CTTN: variants seen among roughly 807,000 people sequenced by gnomAD.
CTTN encodes cortactin, also known as src substrate cortactin.
A neutral mutation model predicts 84.0 loss-of-function variants in CTTN; 28 were observed. The observed-to-expected ratio is 0.33, with a 90% CI of 0.25 to 0.46. The LOEUF (loss-of-function observed/expected upper bound fraction) is 0.46, where lower values mean the gene tolerates loss of function less well. Ranked by LOEUF, CTTN falls within the 20% of genes least tolerant of loss-of-function variation. CTTN has a pLI of 1.00. For synonymous variants in CTTN, 301 were observed against 288.8 expected (o/e 1.04, Z -0.43); for missense variants, 641 against 723.8 (o/e 0.89, Z 1.31).
At chr11:70,425,913 A>G (rs1254465124) in intron 13 of CTTN, among the ~76,000 whole-genome samples, 2 of 152,196 alleles carry the variant, frequency 1.3e-5, no homozygotes, top group African/African-American at 2.4e-5. Flanking sequence ...CGGAGAGTCA[A>G]GTAGTTGGGG....
chr11:70,435,924 C>A lies in CTTN; in HGVS notation c.*762C>A. 2 of 1,459,546 alleles carry A rather than the reference C, an allele frequency of 1.4e-6. No homozygotes were observed. Among genetic ancestry groups the A allele is most frequent in the Non-Finnish European group, 1.8e-6 (2 of 1,115,818 alleles). 90.4% of individuals were successfully genotyped at this position (1,459,546 alleles called of 1,614,324 possible). A position where few individuals can be genotyped will look rare whatever the true frequency, so the allele number is the denominator to read the frequency against. On this transcript the variant is annotated 3_prime_UTR_variant, in exon 18 of 18. Transcript: ENST00000301843. Reference sequence around the variant, plus strand: ...TGCCCCGCGGGTCTCTGGATTGGGACGCACAGTGCAGTTGAGGTCTGCGTC... The same window carrying A: ...TGCCCCGCGGGTCTCTGGATTGGGAAGCACAGTGCAGTTGAGGTCTGCGTC...
At chr11:70,427,704 C>T (rs945329324) in intron 13 of CTTN, among the ~76,000 whole-genome samples, 1 of 152,204 alleles carries the variant, frequency 6.6e-6, no homozygotes, top group Non-Finnish European at 1.5e-5. Flanking sequence ...GTGTGTTGGT[C>T]ATTTGGAAAA....
rs749083287 is a variant in CTTN, at chr11:70,419,828, C to G, written c.651C>G (p.Gly217=). Residue 217 remains glycine (G), a synonymous_variant, in exon 9 of 18, where the codon GGC becomes GGG. Coordinates refer to ENST00000301843, the MANE Select transcript of CTTN (RefSeq NM_005231.4). ...DKSAVGFEYQ[G]KTEKHESQKD... The stretch of plus-strand genomic sequence containing the variant: ...GCGCCGTTGGCTTTGAGTATCAAGG[C>G]AAAACGGAGAAGCACGAGTCCCAGA... 2.5e-6 allele frequency: 4 copies of G among 1,613,200 alleles called. No individual in the cohort carries two copies. In the South Asian group the frequency reaches 4.4e-5, roughly 18 times the overall value.
At position 70,429,119 on chromosome 11, in the gene CTTN, A is replaced by G; in HGVS notation, c.1096A>G (p.Arg366Gly). 1 of 1,614,206 alleles carries G rather than the reference A, an allele frequency of 6.2e-7. No homozygotes were observed. Among genetic ancestry groups the G allele is most frequent in the Non-Finnish European group, 8.5e-7 (1 of 1,180,038 alleles). Residue 366 changes from arginine to glycine, a missense_variant, in exon 14 of 18, where the codon AGG (arginine) becomes GGG (glycine). This residue lies in a region of CTTN where 289 missense variants were observed against 273.1 expected (regional missense o/e 1.06). Coordinates refer to ENST00000301843, the MANE Select transcript of CTTN (RefSeq NM_005231.4). ...NLAKEKEQED[R>G]RKAEAERAQR... ...CGCTAAGGAGAAAGAGCAGGAGGAC[A>G]GGCGGAAGGCGGAGGCGGAGAGAGC...
rs370623790 is a variant in CTTN at position 70,435,253 on chromosome 11, GTTTTTT to G, written c.*111_*116del. The G allele has an allele frequency of 8.0e-4, 751 of 937,790 alleles. No homozygotes were observed. Among genetic ancestry groups the G allele is most frequent in the East Asian group, 1.4e-3 (27 of 19,036 alleles). The allele number at this position is 937,790 out of a possible 1,614,324, so 58.1% of individuals were successfully genotyped here. On this transcript the variant is annotated 3_prime_UTR_variant, in exon 18 of 18. Transcript: ENST00000301843. ...TCTTGGGTGGTTTTGGGTTTTTTCTGTTTTTTTTTTTTTTTTTTTTTTTTTGAAGGT... is the reference window on the plus strand; with the variant it reads ...TCTTGGGTGGTTTTGGGTTTTTTCTGTTTTTTTTTTTTTTTTTTTGAAGGT...
In CTTN at chr11:70,410,586, G is replaced by A. The variant is rs186236132; in HGVS notation, c.291+626G>A. On this transcript the variant is annotated intron_variant, in intron 5 of 17. Coordinates refer to ENST00000301843, the MANE Select transcript of CTTN (RefSeq NM_005231.4). ...TGGCCAAATGCATCCGGCTGCACCC[G>A]TGCTTTAGGTCCTCTCTACCTTAAG... is the stretch of plus-strand genomic sequence containing the variant. 2.2e-3 allele frequency among the ~76,000 whole-genome samples: 328 copies of A among 152,318 alleles called. 3 individuals are homozygous for A. Among genetic ancestry groups the A allele is most frequent in the Non-Finnish European group, 2.0e-3 (133 of 68,020 alleles).
intron 1 of CTTN, among the ~76,000 whole-genome samples, chr11:70,402,094 A>G (rs1417738067): frequency 2.6e-5 from 4 of 152,302 alleles, no homozygotes; most frequent in South Asian, 2.1e-4. Context: ...CAGAGGTTGC[A>G]GTGAGCCGAG....
At chr11:70,413,992 C>T (rs2058125937) in intron 5 of CTTN, among the ~76,000 whole-genome samples, 1 of 152,154 alleles carries the variant, frequency 6.6e-6, no homozygotes. Context: ...GTGGCCCCGA[C>T]CTGTGTCCAG....
rs1012472160 is a variant in CTTN, at chr11:70,415,801, C to A, written c.457+84C>A. ...AGCCACCTGAAGCCGTTTCCCCGCG[C>A]TCCGGGGGCCCTGATGGGGAGAGTC... On this transcript the variant is annotated intron_variant, in intron 7 of 17. Transcript: ENST00000301843. 5.1e-6 allele frequency: 7 copies of A among 1,366,600 alleles called. No individual in the cohort carries two copies. The African/African-American group carries it at 1.0e-4, about 20-fold the overall frequency. The allele number at this position is 1,366,600 out of a possible 1,614,324, so 84.7% of individuals were successfully genotyped here. A position where few individuals can be genotyped will look rare whatever the true frequency, so the allele number is the denominator to read the frequency against.
intron 8 of CTTN, among the ~76,000 whole-genome samples, chr11:70,418,270 C>T (rs746239490): frequency 3.6e-4 from 55 of 152,356 alleles, no homozygotes; most frequent in Non-Finnish European, 6.6e-4. Context: ...GCCTTCCTGC[C>T]GGTCAGGCCT....
At chr11:70,424,673 G>A (rs915626568) in intron 12 of CTTN, among the ~76,000 whole-genome samples, 13 of 152,006 alleles carry the variant, frequency 8.6e-5, no homozygotes, top group Non-Finnish European at 1.3e-4. Flanking sequence ...CTGACTGATG[G>A]GAGGAGGGAG....
intron 1 of CTTN, among the ~76,000 whole-genome samples, chr11:70,399,839 G>A (rs376570737): frequency 2.6e-5 from 4 of 152,130 alleles, no homozygotes; most frequent in Non-Finnish European, 4.4e-5. Context: ...ACTTGGCTGC[G>A]CAGGCTCTGT....
rs752630251 is a variant in CTTN, at chr11:70,429,142, A to T, written c.1119A>T (p.Arg373Ser). The change falls in exon 14 of 18, where the codon AGA (arginine) becomes AGT (serine). Residue 373 changes from arginine to serine, a missense_variant. By Grantham distance (110) the Arg-to-Ser change is moderately radical (BLOSUM62 -1). This residue lies in a region of CTTN where 289 missense variants were observed against 273.1 expected (regional missense o/e 1.06). Coordinates refer to ENST00000301843, the MANE Select transcript of CTTN (RefSeq NM_005231.4). ...QEDRRKAEAE[R>S]AQRMAKERQE... is the part of the protein sequence containing the mutation. The stretch of plus-strand genomic sequence containing the variant: ...ACAGGCGGAAGGCGGAGGCGGAGAG[A>T]GCCCAGCGGATGGCCAAGGAGCGGC... The T allele has an allele frequency of 3.8e-5, 62 of 1,613,910 alleles. No individual in the cohort carries two copies. Among genetic ancestry groups the T allele is most frequent in the Non-Finnish European group, 5.0e-5 (59 of 1,180,040 alleles).
At chr11:70,428,641 A>G (rs1191836681) in intron 13 of CTTN, among the ~76,000 whole-genome samples, 3 of 152,230 alleles carry the variant, frequency 2.0e-5, no homozygotes, top group Non-Finnish European at 4.4e-5. Flanking sequence ...CACACACAAT[A>G]TAAAAAAATG....
chr11:70,435,717 G>A lies in CTTN; in HGVS notation c.*555G>A, dbSNP rs1168076894. 6.3e-7 allele frequency: 1 copy of A among 1,597,852 alleles called. No individual in the cohort carries two copies. The highest frequency in any genetic ancestry group is 1.3e-5 in the African/African-American group (1 of 74,904). ...CATGTCAGATGGGAAATCTGCCTATGTCATACCGTGACAGCCCGCAGGATC... is the reference window on the plus strand; with the variant it reads ...CATGTCAGATGGGAAATCTGCCTATATCATACCGTGACAGCCCGCAGGATC... On this transcript the variant is annotated 3_prime_UTR_variant, in exon 18 of 18. Coordinates refer to ENST00000301843, the MANE Select transcript of CTTN (RefSeq NM_005231.4).
At chr11:70,434,914 A>AG in intron 17 of CTTN, 112 bp from the exon 18 acceptor site, 1 of 1,137,436 alleles carries the variant, frequency 8.8e-7, no homozygotes. Flanking sequence ...GCATCTCTGC[A>AG]GGGGGCATCT....
intron 5 of CTTN, among the ~76,000 whole-genome samples, chr11:70,411,901 G>C (rs1426661138): frequency 1.3e-5 from 2 of 152,264 alleles, no homozygotes; most frequent in East Asian, 3.9e-4. Flanking sequence ...GTCGGGACTT[G>C]TCATCCTCAC....
chr11:70,414,510 G>T, intron 5 of CTTN, 32 bp from the exon 6 acceptor site: 2 of 1,522,692 alleles, frequency 1.3e-6, no homozygotes, highest in Non-Finnish European at 1.8e-6. Flanking sequence ...TGTTGTTGGT[G>T]TCTAATGCTT....
chr11:70,425,449 C>A, intron 13 of CTTN, 48 bp downstream of exon 13: 1 of 1,440,194 alleles, frequency 6.9e-7, no homozygotes. Flanking sequence ...CCCAGGAAAA[C>A]ACTGAGGGGA....
Sources: gnomAD v4.1 joint callset for allele counts (sites outside exome capture counted in the v4.1 genomes callset) on GRCh38, gnomAD v4.1.1 for gene constraint, gnomAD v4.1.1 regional missense constraint, MANE v1.5 for transcripts, NCBI Gene and HGNC (gene_info 2026-07-23, HGNC 2026-07-21) for gene names.